Variants in GRTP1 observed in about 807,000 individuals in gnomAD.
GRTP1 encodes growth hormone-regulated TBC protein 1.
Under a neutral mutation model 38.1 loss-of-function variants are expected in GRTP1, and 56 were observed. The ratio of observed to expected loss-of-function variants is 1.47; its 90% CI spans 1.19 to 1.84. GRTP1 has a LOEUF of 1.84. GRTP1 is among the 40% of genes most tolerant of loss of function. The probability of loss-of-function intolerance (pLI) is 0.00; values close to 1 mark genes in which losing one functional copy is unlikely to be tolerated. For missense variants in GRTP1, 506 were observed against 453.9 expected, an observed-to-expected ratio of 1.11 and a Z score of -1.04; for synonymous variants, 217 against 189.5, an observed-to-expected ratio of 1.14 and a Z score of -1.19.
intron 1 of GRTP1, 25 bp downstream of exon 1, chr13:113,363,995 G>A (rs1658803281): frequency 1.3e-6 from 2 of 1,492,212 alleles, no homozygotes; most frequent in East Asian, 2.6e-5. Context: ...AGCCGCCGGG[G>A]ACGCCCGCAC....
intron 4 of GRTP1, among the ~76,000 whole-genome samples, chr13:113,345,310 G>A (rs2043085008): frequency 1.3e-5 from 2 of 152,242 alleles, no homozygotes; most frequent in African/African-American, 4.8e-5. Flanking sequence ...GAAACTCTCT[G>A]CCAGAGAGAA....
At chr13:113,333,850 T>TA (rs2042914415) in intron 5 of GRTP1, among the ~76,000 whole-genome samples, 2 of 123,872 alleles carry the variant, frequency 1.6e-5, no homozygotes, top group South Asian at 3.0e-4. Context: ...TGTGTGTGTG[T>TA]GTGTGTGTGT....
At chr13:113,333,053 T>A (rs1281035510) in intron 5 of GRTP1, among the ~76,000 whole-genome samples, 1 of 152,246 alleles carries the variant, frequency 6.6e-6, no homozygotes, top group East Asian at 1.9e-4. Context: ...CCGCCTCTTC[T>A]AATGGACTCA....
chr13:113,341,536 G>A (rs1383168713), intron 5 of GRTP1, among the ~76,000 whole-genome samples: 1 of 152,062 alleles, frequency 6.6e-6, no homozygotes, highest in African/African-American at 2.4e-5. Context: ...CAAAGTGCTG[G>A]GATTACAGGC....
At chr13:113,325,627 G>C in intron 7 of GRTP1, 34 bp downstream of exon 7, 1 of 1,612,766 alleles carries the variant, frequency 6.2e-7, no homozygotes, top group Non-Finnish European at 8.5e-7. Flanking sequence ...GGGGCCCCCT[G>C]GGAGGGGACT....
At chr13:113,335,113 G>C (rs1403985429) in intron 5 of GRTP1, among the ~76,000 whole-genome samples, 1 of 151,610 alleles carries the variant, frequency 6.6e-6, no homozygotes. Context: ...TGAGCACCAT[G>C]CCTGGCCAAG....
chr13:113,346,068 CTGCGGCTGAGCAGACCTGGGAAGACA>C lies in GRTP1; in HGVS notation c.466-1135_466-1110del, dbSNP rs1566428990. On this transcript the variant is annotated intron_variant, in intron 4 of 7. Coordinates refer to ENST00000375431, the MANE Select transcript of GRTP1 (RefSeq NM_024719.4). ...GCCGAGAGCAGACCCGGGAGGACCT[CTGCGGCTGAGCAGACCTGGGAAGACA>C]TCTGTGGCCGAGAACAGACCCGGGA... 2.2e-3 allele frequency among the ~76,000 whole-genome samples: 181 copies of C among 81,952 alleles called. 1 individual carries two copies. Among genetic ancestry groups the C allele is most frequent in the Non-Finnish European group, 3.5e-3 (144 of 40,780 alleles). 53.8% of individuals were successfully genotyped at this position (81,952 alleles called of 152,430 possible). A position where few individuals can be genotyped will look rare whatever the true frequency, so the allele number is the denominator to read the frequency against.
intron 2 of GRTP1, 75 bp from the exon 3 acceptor site, chr13:113,355,556 TC>T: frequency 1.6e-5 from 23 of 1,453,706 alleles, no homozygotes; most frequent in Non-Finnish European, 2.1e-5. Context: ...TGCCACACTT[TC>T]CACTCTCACC....
chr13:113,350,178 G>A lies in GRTP1; in HGVS notation c.465+671C>T, dbSNP rs114495653. 7.7e-3 allele frequency among the ~76,000 whole-genome samples: 1,174 copies of A among 152,244 alleles called. 18 individuals are homozygous for A. Among genetic ancestry groups the A allele is most frequent in the African/African-American group, 0.027 (1,137 of 41,530 alleles). ...GCGACAGGCCCAGGCAGGACACACA[G>A]GCTGGGAGACTGCACGGCTCCTGGT... On this transcript the variant is annotated intron_variant, in intron 4 of 7. Transcript: ENST00000375431.
rs1214342106 is a variant in GRTP1, at chr13:113,326,214, A to G, written c.563-123T>C. The G allele has an allele frequency of 2.5e-6, 3 of 1,206,856 alleles. No homozygotes were observed. The Admixed American group carries it at 7.2e-5, about 29-fold the overall frequency. 74.8% of individuals were successfully genotyped at this position (1,206,856 alleles called of 1,614,324 possible). ...GGAGGACCCCTCCCAAGAGGGAGGGACAAAGTTGGAGAGGAAGAGTCGGGG... is the reference window on the plus strand; with the variant it reads ...GGAGGACCCCTCCCAAGAGGGAGGGGCAAAGTTGGAGAGGAAGAGTCGGGG... On this transcript the variant is annotated intron_variant, in intron 5 of 7. Coordinates refer to ENST00000375431, the MANE Select transcript of GRTP1 (RefSeq NM_024719.4).
intron 5 of GRTP1, among the ~76,000 whole-genome samples, chr13:113,327,234 T>A (rs1313226593): frequency 3.9e-5 from 6 of 152,254 alleles, no homozygotes; most frequent in African/African-American, 1.2e-4. Context: ...TGGAATGTAG[T>A]GGCATGATCT....
intron 5 of GRTP1, among the ~76,000 whole-genome samples, chr13:113,328,224 C>T (rs2042804258): frequency 6.6e-6 from 1 of 152,210 alleles, no homozygotes; most frequent in Non-Finnish European, 1.5e-5. Flanking sequence ...AACCACCCAA[C>T]ACTGTGCATT....
At chr13:113,355,656 C>T (rs2043372938) in intron 2 of GRTP1, 175 bp from the exon 3 acceptor site, 2 of 682,682 alleles carry the variant, frequency 2.9e-6, no homozygotes, top group Admixed American at 6.8e-5. Flanking sequence ...AAAAATTCTG[C>T]TCTCCTCTCC....
Position 113,345,480 on chromosome 13 carries a change from C to T in GRTP1, c.466-521G>A, listed in dbSNP as rs185429835. ...ACATCACGTATGTGACCCTCTCCAT[C>T]GAGGGCAGCCCCAGACCCTGGGGGC... On this transcript the variant is annotated intron_variant, in intron 4 of 7. Transcript: ENST00000375431. 3.9e-3 allele frequency among the ~76,000 whole-genome samples: 594 copies of T among 152,368 alleles called. 15 individuals are homozygous for T. The highest frequency in any genetic ancestry group is 3.1e-3 in the East Asian group (16 of 5,186).
At chr13:113,358,970 TATA>T (rs2043445458) in intron 2 of GRTP1, among the ~76,000 whole-genome samples, 1 of 152,242 alleles carries the variant, frequency 6.6e-6, no homozygotes, top group Non-Finnish European at 1.5e-5. Context: ...GGTGGATGTT[TATA>T]ATGTCGGCTT....
intron 3 of GRTP1, among the ~76,000 whole-genome samples, chr13:113,354,005 G>A (rs1026565090): frequency 6.6e-6 from 1 of 152,170 alleles, no homozygotes; most frequent in Admixed American, 6.5e-5. Context: ...GGTAGGTCAC[G>A]GCTGAAGTGA....
intron 7 of GRTP1, 145 bp downstream of exon 7, chr13:113,325,516 G>A: frequency 6.6e-7 from 1 of 1,517,622 alleles, no homozygotes; most frequent in Non-Finnish European, 8.8e-7. Context: ...GGGGGCAGAT[G>A]CAGGACAGAG....
At position 113,327,844 on chromosome 13, in the gene GRTP1, G is replaced by A. The variant is rs909133277; in HGVS notation, c.563-1753C>T. On this transcript the variant is annotated intron_variant, in intron 5 of 7. Transcript: ENST00000375431. The stretch of plus-strand genomic sequence containing the variant: ...ACCCCACAGGTGGTGTGGCAGGGGG[G>A]CTTGAGTGCCAGGCAGCAGGGGGTC... 3.9e-5 allele frequency among the ~76,000 whole-genome samples: 6 copies of A among 152,328 alleles called. No homozygotes were observed. In the East Asian group the frequency reaches 1.2e-3, roughly 29 times the overall value.
intron 7 of GRTP1, chr13:113,325,332 A>G: frequency 7.1e-7 from 1 of 1,401,608 alleles, no homozygotes; most frequent in South Asian, 1.7e-5. Flanking sequence ...CTGAGTCTAT[A>G]CGGCCTGCGC....
Sources: allele counts gnomAD v4.1 joint callset (sites outside exome capture counted in the v4.1 genomes callset), GRCh38; gene constraint gnomAD v4.1.1; transcripts MANE v1.5; gene names NCBI Gene and HGNC (gene_info 2026-07-23, HGNC 2026-07-21).